EGFR: variants seen among roughly 807,000 people sequenced by gnomAD.
The protein encoded by EGFR is epidermal growth factor receptor.
In EGFR, 58 loss-of-function variants were observed where a neutral mutation model predicts 143.0. The observed-to-expected ratio is 0.41, with a 90% CI of 0.33 to 0.50. The LOEUF (loss-of-function observed/expected upper bound fraction) is 0.50, where lower values mean the gene tolerates loss of function less well. Ranked by LOEUF, EGFR falls within the 20% of genes least tolerant of loss-of-function variation. The pLI, the probability that EGFR is intolerant of heterozygous loss-of-function variation, is 0.39. For synonymous variants in EGFR, 613 were observed against 594.4 expected (o/e 1.03, Z -0.45); for missense variants, 1,307 against 1,579.0 (o/e 0.83, Z 2.92).
At chr7:55,096,585 G>A (rs1051359223) in intron 1 of EGFR, among the ~76,000 whole-genome samples, 1 of 152,170 alleles carries the variant, frequency 6.6e-6, no homozygotes, top group African/African-American at 2.4e-5. Flanking sequence ...AGGGATCTAG[G>A]AAGCCAAAAT....
rs772091823 is a variant in EGFR at position 55,191,744 on chromosome 7, G to A, written c.2495G>A (p.Arg832His). The A allele has an allele frequency of 6.8e-6, 11 of 1,613,936 alleles. No individual in the cohort carries two copies. The highest frequency in any genetic ancestry group is 2.2e-5 in the East Asian group (1 of 44,852). ...AKGMNYLEDR[R>H]LVHRDLAARN... ...GGCATGAACTACTTGGAGGACCGTC[G>A]CTTGGTGCACCGCGACCTGGCAGCC... Residue 832 changes from arginine to histidine, a missense_variant, in exon 21 of 28, where the codon CGC (arginine) becomes CAC (histidine). Arg to His is a conservative substitution (Grantham distance 29). Coordinates refer to ENST00000275493, the MANE Select transcript of EGFR (RefSeq NM_005228.5).
chr7:55,028,021 TATATAC>T lies in EGFR; in HGVS notation c.88+8658_88+8663del, dbSNP rs66525886. Reference sequence around the variant, plus strand: ...ATATATATATATATATATATATATATATATACACACACACACACATATGGAGGTAAA... The same window carrying T: ...ATATATATATATATATATATATATATACACACACACACATATGGAGGTAAA... On this transcript the variant is annotated intron_variant, in intron 1 of 27. Coordinates refer to ENST00000275493, the MANE Select transcript of EGFR (RefSeq NM_005228.5). Among the ~76,000 whole-genome samples the T allele has an allele frequency of 7.8e-3, 909 of 116,094 alleles. 5 individuals carry two copies. The highest frequency in any genetic ancestry group is 0.037 in the African/African-American group (856 of 23,230). The allele number at this position is 116,094 out of a possible 152,430, so 76.2% of individuals were successfully genotyped here. A position where few individuals can be genotyped will look rare whatever the true frequency, so the allele number is the denominator to read the frequency against.
At chr7:55,199,099 A>T (rs529801204) in intron 23 of EGFR, among the ~76,000 whole-genome samples, 1 of 152,230 alleles carries the variant, frequency 6.6e-6, no homozygotes, top group African/African-American at 2.4e-5. Context: ...AAATAAAACT[A>T]AAGTCTTCCG....
At chr7:55,182,748 C>T (rs958630657) in intron 20 of EGFR, among the ~76,000 whole-genome samples, 6 of 152,140 alleles carry the variant, frequency 3.9e-5, no homozygotes, top group Non-Finnish European at 1.5e-5. Context: ...AAGTGGGGAG[C>T]GCTCATGCTT....
At chr7:55,075,923 A>G (rs1790110836) in intron 1 of EGFR, among the ~76,000 whole-genome samples, 2 of 152,228 alleles carry the variant, frequency 1.3e-5, no homozygotes, top group Admixed American at 6.5e-5. Context: ...ACTCTGCACA[A>G]CAGTTCTTTA....
At position 55,114,882 on chromosome 7, in the gene EGFR, T is replaced by C. The variant is rs578209520; in HGVS notation, c.89-27404T>C. On this transcript the variant is annotated intron_variant, in intron 1 of 27. Coordinates refer to ENST00000275493, the MANE Select transcript of EGFR (RefSeq NM_005228.5). The stretch of plus-strand genomic sequence containing the variant: ...TGCAACTTGTATTTGTATTATTCTT[T>C]TTTTTTTTTTTTTTTTTGAGATGGA... Among the ~76,000 whole-genome samples the C allele has an allele frequency of 1.4e-3, 204 of 145,204 alleles. 4 individuals are homozygous for C. The East Asian group carries it at 0.037, about 26-fold the overall frequency.
At position 55,156,230 on chromosome 7, in the gene EGFR, G is replaced by A. The variant is rs17289907; in HGVS notation, c.1006+284G>A. Among the ~76,000 whole-genome samples, 1,476 of 152,308 alleles carry A rather than the reference G, an allele frequency of 9.7e-3. 15 individuals are homozygous for A. The highest frequency in any genetic ancestry group is 0.016 in the Admixed American group (239 of 15,300). ...GGAGAATCCAGGGAAGGCAGAGCTG[G>A]AAGCAGTGCAGCTCCAAGCGGCCCA... is the stretch of plus-strand genomic sequence containing the variant. On this transcript the variant is annotated intron_variant, in intron 8 of 27. Coordinates refer to ENST00000275493, the MANE Select transcript of EGFR (RefSeq NM_005228.5).
At chr7:55,079,004 G>C (rs1790300931) in intron 1 of EGFR, among the ~76,000 whole-genome samples, 2 of 152,214 alleles carry the variant, frequency 1.3e-5, no homozygotes, top group South Asian at 4.1e-4. Flanking sequence ...CTTCAGAAGG[G>C]AAAAGAGAAC....
intron 20 of EGFR, chr7:55,182,186 A>G (rs1786913321): frequency 6.5e-6 from 1 of 155,030 alleles, no homozygotes; most frequent in Non-Finnish European, 1.4e-5. Context: ...TTTGCACTCA[A>G]CTTGCTAAGT....
chr7:55,140,663 A>T (rs777627437), intron 1 of EGFR, among the ~76,000 whole-genome samples: 6 of 152,210 alleles, frequency 3.9e-5, no homozygotes, highest in Non-Finnish European at 5.9e-5. Flanking sequence ...TCCTGAGGAA[A>T]AGCAGACCAG....
intron 1 of EGFR, among the ~76,000 whole-genome samples, chr7:55,053,730 G>A (rs556109553): frequency 2.1e-3 from 315 of 152,354 alleles, no homozygotes; most frequent in Non-Finnish European, 3.2e-3. Context: ...GCAGCACTCC[G>A]CTCCCCAACC....
intron 1 of EGFR, among the ~76,000 whole-genome samples, chr7:55,096,214 C>T (rs114603951): frequency 6.5e-4 from 99 of 152,334 alleles, no homozygotes; most frequent in African/African-American, 2.2e-3. Flanking sequence ...CCCTTTCTAC[C>T]TCATTCCCAG....
intron 1 of EGFR, among the ~76,000 whole-genome samples, chr7:55,030,007 C>A (rs1221241248): frequency 1.3e-5 from 2 of 152,200 alleles, no homozygotes; most frequent in Non-Finnish European, 2.9e-5. Flanking sequence ...CCTTAACATT[C>A]TTCTCTCTCA....
chr7:55,190,868 T>C (rs1432464334), intron 20 of EGFR, among the ~76,000 whole-genome samples: 2 of 152,174 alleles, frequency 1.3e-5, no homozygotes, highest in Non-Finnish European at 2.9e-5. Context: ...GCTGCCATTC[T>C]TAGGCCAAAG....
intron 1 of EGFR, among the ~76,000 whole-genome samples, chr7:55,119,857 C>T (rs1049401222): frequency 6.6e-6 from 1 of 152,204 alleles, no homozygotes; most frequent in African/African-American, 2.4e-5. Flanking sequence ...CTCCCCAGGG[C>T]CATGGGCACA....
intron 1 of EGFR, among the ~76,000 whole-genome samples, chr7:55,072,945 T>C (rs755713046): frequency 1.8e-4 from 27 of 152,222 alleles, no homozygotes; most frequent in Admixed American, 1.5e-3. Flanking sequence ...AATTTCCTTA[T>C]AATCAGGATG....
intron 1 of EGFR, among the ~76,000 whole-genome samples, chr7:55,102,846 T>C (rs1365245678): frequency 3.9e-5 from 6 of 152,208 alleles, no homozygotes; most frequent in Admixed American, 3.3e-4. Context: ...TATACCTAGC[T>C]AGATGGTGAA....
chr7:55,063,115 A>G (rs927399011), intron 1 of EGFR, among the ~76,000 whole-genome samples: 1 of 152,122 alleles, frequency 6.6e-6, no homozygotes, highest in Admixed American at 6.5e-5. Flanking sequence ...CATTCTCTTC[A>G]CTGAGGGTCA....
chr7:55,138,231 G>C (rs1412557889), intron 1 of EGFR, among the ~76,000 whole-genome samples: 1 of 152,034 alleles, frequency 6.6e-6, no homozygotes, highest in Non-Finnish European at 1.5e-5. Context: ...AAAAGTTAGT[G>C]CTTTGAAGTC....
Sources: gnomAD v4.1 joint callset for allele counts (sites outside exome capture counted in the v4.1 genomes callset) on GRCh38, gnomAD v4.1.1 for gene constraint, MANE v1.5 for transcripts, NCBI Gene and HGNC (gene_info 2026-07-23, HGNC 2026-07-21) for gene names.